The following VKORC1L1 variants were observed in gnomAD, a reference collection of about 807,000 sequenced individuals.
VKORC1L1 encodes the protein vitamin K epoxide reductase complex subunit 1-like protein 1.
VKORC1L1 carries 2 observed loss-of-function variants against 18.9 expected under a neutral mutation model. The observed-to-expected ratio is 0.11, with a 90% CI of 0.04 to 0.33. The LOEUF is 0.33. Ranked by LOEUF, VKORC1L1 falls within the 10% of genes least tolerant of loss-of-function variation. The pLI is 1.00. For synonymous variants in VKORC1L1, 96 were observed against 100.0 expected (o/e 0.96, Z 0.24); for missense variants, 123 against 224.1 (o/e 0.55, Z 2.88).
chr7:65,928,283 G>A (rs1272932704), intron 1 of VKORC1L1, among the ~76,000 whole-genome samples: 2 of 142,662 alleles, frequency 1.4e-5, no homozygotes, highest in African/African-American at 5.2e-5. Context: ...TTCAGATGGG[G>A]TCTCACTGTG....
Position 65,954,484 on chromosome 7 carries a change from A to G in VKORC1L1, c.*184A>G, listed in dbSNP as rs1268637362. The G allele has an allele frequency of 9.8e-7, 1 of 1,024,070 alleles. No homozygotes were observed. Among genetic ancestry groups the G allele is most frequent in the Non-Finnish European group, 1.3e-6 (1 of 749,472 alleles). 63.4% of individuals were successfully genotyped at this position (1,024,070 alleles called of 1,614,324 possible). A position where few individuals can be genotyped will look rare whatever the true frequency, so the allele number is the denominator to read the frequency against. On this transcript the variant is annotated 3_prime_UTR_variant, in exon 3 of 3. Coordinates refer to ENST00000360768, the MANE Select transcript of VKORC1L1 (RefSeq NM_173517.6). ...CTCGCTATTTTCTGTGTCAGTCTTCATTTTAAATATGGATACAAAAAGGAT... is the reference window on the plus strand; with the variant it reads ...CTCGCTATTTTCTGTGTCAGTCTTCGTTTTAAATATGGATACAAAAAGGAT...
chr7:65,924,478 G>A (rs771624689), intron 1 of VKORC1L1, among the ~76,000 whole-genome samples: 2 of 152,228 alleles, frequency 1.3e-5, no homozygotes, highest in Non-Finnish European at 2.9e-5. Context: ...CCATAGGATC[G>A]TTGCCAAACT....
chr7:65,880,222 T>C (rs1788905575), intron 1 of VKORC1L1, among the ~76,000 whole-genome samples: 1 of 152,220 alleles, frequency 6.6e-6, no homozygotes, highest in Non-Finnish European at 1.5e-5. Context: ...AACCAGATTT[T>C]TTAAATATGC....
At chr7:65,870,359 G>T (rs1788711645), upstream of VKORC1L1, among the ~76,000 whole-genome samples, 1 of 152,038 alleles carries the variant, frequency 6.6e-6, no homozygotes, top group African/African-American at 2.4e-5. Context: ...GAACATGGGA[G>T]GTGGAGGTTG....
Position 65,955,211 on chromosome 7 carries a change from T to C in VKORC1L1, c.*911T>C, listed in dbSNP as rs1420152770. Reference sequence around the variant, plus strand: ...TAAACATGGCATTTTTAGGTAAAGTTTCTTCCACTAGTTGAATTTTCATGC... The same window carrying C: ...TAAACATGGCATTTTTAGGTAAAGTCTCTTCCACTAGTTGAATTTTCATGC... On this transcript the variant is annotated 3_prime_UTR_variant, in exon 3 of 3. Transcript: ENST00000360768. 2 of 152,190 alleles carry C rather than the reference T, an allele frequency of 1.3e-5. No individual in the cohort carries two copies. The highest frequency in any genetic ancestry group is 1.3e-4 in the Admixed American group (2 of 15,270). The allele number at this position is 152,190 out of a possible 1,614,324, so 9.4% of individuals were successfully genotyped here. A position where few individuals can be genotyped will look rare whatever the true frequency, so the allele number is the denominator to read the frequency against.
chr7:65,956,672 G>A lies in VKORC1L1; in HGVS notation c.*2372G>A, dbSNP rs551783068. On this transcript the variant is annotated 3_prime_UTR_variant, in exon 3 of 3. Coordinates refer to ENST00000360768, the MANE Select transcript of VKORC1L1 (RefSeq NM_173517.6). ...GTGTCTCAGTAACAGAATCCTGGTG[G>A]GTGTTAATTGGGTGTTTTTTGCCCT... 9 of 152,258 alleles carry A rather than the reference G, an allele frequency of 5.9e-5. No individual in the cohort carries two copies. Among genetic ancestry groups the A allele is most frequent in the African/African-American group, 1.7e-4 (7 of 41,534 alleles). The allele number at this position is 152,258 out of a possible 1,614,324, so 9.4% of individuals were successfully genotyped here.
intron 1 of VKORC1L1, among the ~76,000 whole-genome samples, chr7:65,898,002 T>C (rs1003694680): frequency 3.4e-4 from 51 of 150,260 alleles, no homozygotes; most frequent in Non-Finnish European, 4.7e-4. Flanking sequence ...CACAAAAACT[T>C]GTGCAAAACC....
intron 1 of VKORC1L1, among the ~76,000 whole-genome samples, chr7:65,888,714 G>A (rs1052678705): frequency 3.3e-5 from 5 of 152,180 alleles, no homozygotes; most frequent in Non-Finnish European, 5.9e-5. Flanking sequence ...GCTTGCATCT[G>A]TGTGCTGACC....
At chr7:65,899,095 G>T (rs570617889) in intron 1 of VKORC1L1, among the ~76,000 whole-genome samples, 1 of 152,214 alleles carries the variant, frequency 6.6e-6, no homozygotes, top group African/African-American at 2.4e-5. Flanking sequence ...GAAGGCTGGC[G>T]TGTCTTATTC....
intron 1 of VKORC1L1, among the ~76,000 whole-genome samples, chr7:65,941,145 T>G (rs1471980424): frequency 6.6e-6 from 1 of 152,226 alleles, no homozygotes; most frequent in Non-Finnish European, 1.5e-5. Flanking sequence ...AGGCTCTCAC[T>G]CTGTCACCCA....
At chr7:65,903,961 T>C (rs939483813) in intron 1 of VKORC1L1, among the ~76,000 whole-genome samples, 1 of 152,182 alleles carries the variant, frequency 6.6e-6, no homozygotes, top group Non-Finnish European at 1.5e-5. Flanking sequence ...TTATTCTCTT[T>C]AAAAGATGAC....
Position 65,873,332 on chromosome 7 carries a change from G to A in VKORC1L1, c.-40G>A, listed in dbSNP as rs1788761477. 1 of 1,428,254 alleles carries A rather than the reference G, an allele frequency of 7.0e-7. No homozygotes were observed. 88.5% of individuals were successfully genotyped at this position (1,428,254 alleles called of 1,614,324 possible). Reference sequence around the variant, plus strand: ...GGCCCCGACGGGCGGCGGCGGCTGAGGTGGAGGCGGAGGGAGGCGGCGGCG... The same window carrying A: ...GGCCCCGACGGGCGGCGGCGGCTGAAGTGGAGGCGGAGGGAGGCGGCGGCG... On this transcript the variant is annotated 5_prime_UTR_variant, in exon 1 of 3. Transcript: ENST00000360768.
intron 1 of VKORC1L1, among the ~76,000 whole-genome samples, chr7:65,921,949 C>G (rs1004494603): frequency 6.6e-6 from 1 of 152,092 alleles, no homozygotes; most frequent in Non-Finnish European, 1.5e-5. Flanking sequence ...GGCCTCCCAA[C>G]GTGCTGTGAT....
chr7:65,900,807 A>G lies in VKORC1L1; in HGVS notation c.194+27242A>G, dbSNP rs368878551. Among the ~76,000 whole-genome samples the G allele has an allele frequency of 1.6e-4, 25 of 152,304 alleles. No individual in the cohort carries two copies. In the East Asian group the frequency reaches 4.0e-3, roughly 25 times the overall value. On this transcript the variant is annotated intron_variant, in intron 1 of 2. Coordinates refer to ENST00000360768, the MANE Select transcript of VKORC1L1 (RefSeq NM_173517.6). ...GTGACAGAGCAAGACTCTGCTAAAA[A>G]TAATAATAAAAATAATAATAATAGA...
At chr7:65,887,149 GGGAAGGTAAGAGTTTT>G (rs1789029997) in intron 1 of VKORC1L1, among the ~76,000 whole-genome samples, 1 of 151,706 alleles carries the variant, frequency 6.6e-6, no homozygotes, top group African/African-American at 2.4e-5. Context: ...ATGCCTGGCC[GGGAAGGTAAGAGTTTT>G]GTTCTCCAAA....
At chr7:65,945,788 C>G (rs982113121) in intron 1 of VKORC1L1, among the ~76,000 whole-genome samples, 2 of 152,174 alleles carry the variant, frequency 1.3e-5, no homozygotes, top group Non-Finnish European at 2.9e-5. Context: ...TGGATTGCCA[C>G]ATTGTTTTCG....
chr7:65,936,343 A>G (rs1174805218), intron 1 of VKORC1L1, among the ~76,000 whole-genome samples: 2 of 152,168 alleles, frequency 1.3e-5, no homozygotes, highest in African/African-American at 4.8e-5. Context: ...AGTTCTTTGT[A>G]TGTCATATAA....
chr7:65,954,011 G>A lies in VKORC1L1; in HGVS notation c.305-63G>A. 1.1e-5 allele frequency: 16 copies of A among 1,448,166 alleles called. No homozygotes were observed. In the South Asian group the frequency reaches 1.7e-4, roughly 16 times the overall value. 89.7% of individuals were successfully genotyped at this position (1,448,166 alleles called of 1,614,324 possible). ...AGCAAGTCACACAGTGTTATTCCTT[G>A]TCACTCAGAAAGCCTCTCTCCAGCA... On this transcript the variant is annotated intron_variant, in intron 2 of 2. Coordinates refer to ENST00000360768, the MANE Select transcript of VKORC1L1 (RefSeq NM_173517.6).
At chr7:65,871,659 C>G (rs1300917843), upstream of VKORC1L1, among the ~76,000 whole-genome samples, 3 of 152,186 alleles carry the variant, frequency 2.0e-5, no homozygotes, top group African/African-American at 7.2e-5. Flanking sequence ...CCGCTTCTTA[C>G]CAAGAGGTGC....
Sources: gnomAD v4.1 joint callset for allele counts (sites outside exome capture counted in the v4.1 genomes callset) on GRCh38, gnomAD v4.1.1 for gene constraint, MANE v1.5 for transcripts, NCBI Gene and HGNC (gene_info 2026-07-23, HGNC 2026-07-21) for gene names.